Variants in EXOG observed in about 807,000 individuals in gnomAD.
EXOG encodes the protein exo/endonuclease G.
A neutral mutation model predicts 25.8 loss-of-function variants in EXOG; 27 were observed. That is an observed-to-expected ratio of 1.05 (90% CI 0.77 to 1.45). The LOEUF (loss-of-function observed/expected upper bound fraction) is 1.45. Ranked by LOEUF, EXOG falls within the 40% of genes most tolerant of loss-of-function variation. The pLI is 0.00. For missense variants in EXOG, 458 were observed against 450.5 expected (o/e 1.02, Z -0.15); for synonymous variants, 133 against 167.0 (o/e 0.80, Z 1.57).
Position 38,525,911 on chromosome 3 carries a change from G to A in EXOG, c.*1549G>A, listed in dbSNP as rs1203471322. ...ATGGGACATGGTCATGCCACTGGAC[G>A]CCAGCCTGGGCCACAGAGGGAGACC... is the stretch of plus-strand genomic sequence containing the variant. On this transcript the variant is annotated 3_prime_UTR_variant, in exon 6 of 6. Transcript: ENST00000287675. 1.0e-5 allele frequency: 9 copies of A among 902,002 alleles called. No individual in the cohort carries two copies. Among genetic ancestry groups the A allele is most frequent in the African/African-American group, 1.8e-5 (1 of 55,578 alleles). 55.9% of individuals were successfully genotyped at this position (902,002 alleles called of 1,614,324 possible).
Position 38,508,591 on chromosome 3 carries a change from G to A in EXOG, c.645+1623G>A, listed in dbSNP as rs549937546. 1.6e-3 allele frequency among the ~76,000 whole-genome samples: 238 copies of A among 152,134 alleles called. 1 individual carries two copies. Among genetic ancestry groups the A allele is most frequent in the African/African-American group, 5.7e-3 (236 of 41,488 alleles). On this transcript the variant is annotated intron_variant, in intron 5 of 5. Coordinates refer to ENST00000287675, the MANE Select transcript of EXOG (RefSeq NM_005107.4). ...ACTTGCTAATAAGGCCAAAGAGGAGGGGAGGGAACACCTAGCTCAGCTCTG... is the reference window on the plus strand; with the variant it reads ...ACTTGCTAATAAGGCCAAAGAGGAGAGGAGGGAACACCTAGCTCAGCTCTG...
At chr3:38,520,296 G>A (rs1330639585) in intron 5 of EXOG, among the ~76,000 whole-genome samples, 2 of 152,186 alleles carry the variant, frequency 1.3e-5, no homozygotes, top group Non-Finnish European at 2.9e-5. Context: ...GGTTGCGAAT[G>A]AGTGCCAGCT....
At position 38,497,677 on chromosome 3, in the gene EXOG, G is replaced by T. The variant is rs1281846602; in HGVS notation, c.212G>T (p.Gly71Val). 6.2e-7 allele frequency: 1 copy of T among 1,606,284 alleles called. No individual in the cohort carries two copies. Among genetic ancestry groups the T allele is most frequent in the Non-Finnish European group, 8.5e-7 (1 of 1,178,386 alleles). The change falls in exon 2 of 6, where the codon GGA becomes GTA. Residue 71 changes from glycine (G) to valine (V), a missense_variant. By Grantham distance (109) the Gly-to-Val change is moderately radical (BLOSUM62 -3). This residue lies in a region of EXOG where 275 missense variants were observed against 230.5 expected (regional missense o/e 1.19). Transcript: ENST00000287675. ...VLEQFGFPLT[G>V]TEARCYTNHA... ...GAACAATTTGGATTCCCTTTAACTGGAACAGAGGCAAGGTGTTACACTAAT... is the reference window on the plus strand; with the variant it reads ...GAACAATTTGGATTCCCTTTAACTGTAACAGAGGCAAGGTGTTACACTAAT...
chr3:38,525,040 A>G lies in EXOG; in HGVS notation c.*678A>G, dbSNP rs2060838055. 1 of 985,258 alleles carries G rather than the reference A, an allele frequency of 1.0e-6. No individual in the cohort carries two copies. The highest frequency in any genetic ancestry group is 1.2e-6 in the Non-Finnish European group (1 of 829,852). 61.0% of individuals were successfully genotyped at this position (985,258 alleles called of 1,614,324 possible). On this transcript the variant is annotated 3_prime_UTR_variant, in exon 6 of 6. Coordinates refer to ENST00000287675, the MANE Select transcript of EXOG (RefSeq NM_005107.4). ...ATATTTGTTTCTTTTTTCTCCTCTC[A>G]TGAATCTGCTCGTTTCTCTACTTCT... is the stretch of plus-strand genomic sequence containing the variant.
At chr3:38,498,043 A>G in intron 2 of EXOG, 1 of 374,378 alleles carries the variant, frequency 2.7e-6, no homozygotes, top group Non-Finnish European at 4.7e-6. Flanking sequence ...AATGAGCACC[A>G]TTCAGTTTTA....
intron 4 of EXOG, among the ~76,000 whole-genome samples, chr3:38,503,993 G>A (rs1302853916): frequency 6.6e-6 from 1 of 152,134 alleles, no homozygotes; most frequent in Non-Finnish European, 1.5e-5. Flanking sequence ...TTTTGAGTGT[G>A]TTCAGTGAAC....
chr3:38,511,007 A>G (rs2060352090), intron 5 of EXOG, among the ~76,000 whole-genome samples: 1 of 152,182 alleles, frequency 6.6e-6, no homozygotes, highest in Non-Finnish European at 1.5e-5. Flanking sequence ...TATAGGACCT[A>G]TGCATGTTCA....
chr3:38,524,478 T>G lies in EXOG; in HGVS notation c.*116T>G, dbSNP rs1410003015. 7.7e-6 allele frequency: 11 copies of G among 1,432,128 alleles called. No homozygotes were observed. The African/African-American group carries it at 1.4e-4, about 19-fold the overall frequency. 88.7% of individuals were successfully genotyped at this position (1,432,128 alleles called of 1,614,324 possible). A position where few individuals can be genotyped will look rare whatever the true frequency, so the allele number is the denominator to read the frequency against. On this transcript the variant is annotated 3_prime_UTR_variant, in exon 6 of 6. Transcript: ENST00000287675. ...TTAAAAAGTTTTTCTCTTTAAGAGA[T>G]GTGGTCTCGCCGTGTCATCCAGGCT...
At chr3:38,503,579 A>G (rs1553683043) in intron 3 of EXOG, 36 bp from the exon 4 acceptor site, 1 of 1,157,296 alleles carries the variant, frequency 8.6e-7, no homozygotes, top group Non-Finnish European at 1.3e-6. Flanking sequence ...AGGGGAAAGC[A>G]TTTCAGTGCA....
chr3:38,526,273 A>G lies in EXOG; in HGVS notation c.*1911A>G, dbSNP rs2125813476. The stretch of plus-strand genomic sequence containing the variant: ...TGTGTTTGTTCTAAGAGAAATGCCA[A>G]GGCTTTCAGATAAAGATAAGATGAT... On this transcript the variant is annotated 3_prime_UTR_variant, in exon 6 of 6. Coordinates refer to ENST00000287675, the MANE Select transcript of EXOG (RefSeq NM_005107.4). 1 of 981,452 alleles carries G rather than the reference A, an allele frequency of 1.0e-6. No homozygotes were observed. Among genetic ancestry groups the G allele is most frequent in the Non-Finnish European group, 1.2e-6 (1 of 826,356 alleles). The allele number at this position is 981,452 out of a possible 1,614,324, so 60.8% of individuals were successfully genotyped here.
chr3:38,515,204 T>TC (rs2125788146), intron 5 of EXOG, among the ~76,000 whole-genome samples: 1 of 152,346 alleles, frequency 6.6e-6, no homozygotes, highest in East Asian at 1.9e-4. Flanking sequence ...GAAGATGCGC[T>TC]CAGGAATCTT....
chr3:38,509,904 C>T (rs79428323), intron 5 of EXOG, among the ~76,000 whole-genome samples: 1 of 152,054 alleles, frequency 6.6e-6, no homozygotes, highest in Non-Finnish European at 1.5e-5. Flanking sequence ...TCATTTTGCA[C>T]ACATCACCAT....
At position 38,524,860 on chromosome 3, in the gene EXOG, G is replaced by A. The variant is rs2060834496; in HGVS notation, c.*498G>A. 3 of 986,186 alleles carry A rather than the reference G, an allele frequency of 3.0e-6. No homozygotes were observed. The highest frequency in any genetic ancestry group is 3.6e-6 in the Non-Finnish European group (3 of 830,672). 61.1% of individuals were successfully genotyped at this position (986,186 alleles called of 1,614,324 possible). On this transcript the variant is annotated 3_prime_UTR_variant, in exon 6 of 6. Transcript: ENST00000287675. ...GATGTAGAGTATTGGGAAGGCATTT[G>A]TTTAGTTTCATGCCTCCAAACCATG...
At chr3:38,496,890 C>T (rs2059906666) in intron 1 of EXOG, 7 of 1,233,050 alleles carry the variant, frequency 5.7e-6, no homozygotes, top group African/African-American at 1.5e-5. Context: ...TGGTCTCCAT[C>T]ATCTAACCAG....
intron 2 of EXOG, chr3:38,499,885 C>T: frequency 2.9e-6 from 1 of 349,784 alleles, no homozygotes; most frequent in East Asian, 7.7e-5. Flanking sequence ...TAAGCGCAGT[C>T]TTGGCAAACC....
At chr3:38,497,308 CA>C in intron 1 of EXOG, 1 of 1,072,742 alleles carries the variant, frequency 9.3e-7, no homozygotes, top group Non-Finnish European at 1.1e-6. Flanking sequence ...TGCAACAGCA[CA>C]CATATCAGTG....
chr3:38,497,527 G>C (rs1326021077), intron 1 of EXOG, 102 bp from the exon 2 acceptor site: 1 of 1,418,984 alleles, frequency 7.0e-7, no homozygotes, highest in Non-Finnish European at 9.1e-7. Context: ...AAATCACACC[G>C]CTCTCCTTTT....
chr3:38,500,350 T>G (rs1475625954), intron 2 of EXOG, among the ~76,000 whole-genome samples: 1 of 152,166 alleles, frequency 6.6e-6, no homozygotes, highest in African/African-American at 2.4e-5. Flanking sequence ...CTTTGGAAAT[T>G]CCTACAAATT....
chr3:38,515,152 C>A (rs1160506007), intron 5 of EXOG, among the ~76,000 whole-genome samples: 2 of 152,056 alleles, frequency 1.3e-5, no homozygotes, highest in East Asian at 3.9e-4. Flanking sequence ...TGGATGATAA[C>A]CTTTCCGAGT....
Sources: gnomAD v4.1 joint callset for allele counts (sites outside exome capture counted in the v4.1 genomes callset) on GRCh38, gnomAD v4.1.1 for gene constraint, gnomAD v4.1.1 regional missense constraint, MANE v1.5 for transcripts, NCBI Gene and HGNC (gene_info 2026-07-23, HGNC 2026-07-21) for gene names.